CNTN6: variants seen among roughly 807,000 people sequenced by gnomAD.
CNTN6 encodes contactin-6.
In CNTN6, 137 loss-of-function variants were observed where a neutral mutation model predicts 122.8. The observed-to-expected ratio is 1.12, with a 90% confidence interval of 0.97 to 1.29. CNTN6 has a LOEUF of 1.29. CNTN6 is among the 50% of genes most tolerant of loss of function. The pLI, the probability that CNTN6 is intolerant of heterozygous loss-of-function variation, is 0.00. For missense variants in CNTN6, 1,634 were observed against 1,223.4 expected (o/e 1.34, Z -5.01); for synonymous variants, 570 against 426.0 (o/e 1.34, Z -4.16).
At chr3:1,312,812 CT>C (rs746158925) in intron 7 of CNTN6, among the ~76,000 whole-genome samples, 11,873 of 137,716 alleles carry the variant, frequency 0.086, 481 homozygotes, top group Middle Eastern at 0.12. Flanking sequence ...GGTTCAAATC[CT>C]TTTTTTTTTT....
At chr3:1,357,385 CTTG>C (rs1706740985) in intron 12 of CNTN6, among the ~76,000 whole-genome samples, 1 of 151,768 alleles carries the variant, frequency 6.6e-6, no homozygotes, top group East Asian at 1.9e-4. Flanking sequence ...GGTTATTCAT[CTTG>C]TTTTCTTTAT....
At position 1,157,838 on chromosome 3, in the gene CNTN6, A is replaced by G. The variant is rs553126926; in HGVS notation, c.55+9775A>G. On this transcript the variant is annotated intron_variant, in intron 2 of 22. Coordinates refer to ENST00000446702, the MANE Select transcript of CNTN6 (RefSeq NM_001289080.2). ...AAATGGCAGAATCTGGTTCTTTTTT[A>G]TGACTGAATAGTACTCCATTTTGCA... 2.0e-5 allele frequency among the ~76,000 whole-genome samples: 3 copies of G among 152,254 alleles called. No individual in the cohort carries two copies. The South Asian group carries it at 6.2e-4, about 32-fold the overall frequency.
chr3:1,309,816 T>C (rs1232953248), intron 7 of CNTN6, among the ~76,000 whole-genome samples: 1 of 152,192 alleles, frequency 6.6e-6, no homozygotes, highest in Non-Finnish European at 1.5e-5. Flanking sequence ...TTTATGAGAT[T>C]GTATAGTTTT....
chr3:1,104,870 C>T (rs1283189947), intron 1 of CNTN6, among the ~76,000 whole-genome samples: 2 of 152,080 alleles, frequency 1.3e-5, no homozygotes. Context: ...TAAATATTCT[C>T]CTAATGCTGA....
intron 4 of CNTN6, among the ~76,000 whole-genome samples, chr3:1,278,039 A>G (rs576351641): frequency 1.3e-5 from 2 of 152,228 alleles, no homozygotes; most frequent in African/African-American, 2.4e-5. Flanking sequence ...GCAACCATTA[A>G]TCTAAGATGT....
At chr3:1,352,603 T>G in intron 12 of CNTN6, 152 bp downstream of exon 12, 1 of 844,968 alleles carries the variant, frequency 1.2e-6, no homozygotes, top group Non-Finnish European at 1.8e-6. Context: ...TACTCATTAA[T>G]AACATGCACA....
intron 5 of CNTN6, among the ~76,000 whole-genome samples, chr3:1,294,621 T>C (rs116670214): frequency 1.7e-3 from 263 of 152,294 alleles, no homozygotes; most frequent in African/African-American, 6.1e-3. Flanking sequence ...ATGGACTGAT[T>C]GATGTTCAGT....
chr3:1,337,902 C>T (rs1000195894), intron 11 of CNTN6, among the ~76,000 whole-genome samples: 1 of 152,088 alleles, frequency 6.6e-6, no homozygotes, highest in Admixed American at 6.6e-5. Flanking sequence ...CATCCAATTC[C>T]CCTTTCTTTA....
At chr3:1,230,769 T>C (rs2094343279) in intron 4 of CNTN6, among the ~76,000 whole-genome samples, 1 of 152,216 alleles carries the variant, frequency 6.6e-6, no homozygotes, top group Non-Finnish European at 1.5e-5. Flanking sequence ...CTAAAACTCA[T>C]GCACTTCATG....
chr3:1,351,766 G>T (rs958634068), intron 11 of CNTN6, among the ~76,000 whole-genome samples: 3 of 151,680 alleles, frequency 2.0e-5, no homozygotes, highest in African/African-American at 4.8e-5. Flanking sequence ...TTTTTGATGG[G>T]ATAGCCACAT....
intron 16 of CNTN6, among the ~76,000 whole-genome samples, chr3:1,376,530 A>G (rs1709892702): frequency 6.6e-6 from 1 of 152,158 alleles, no homozygotes; most frequent in Admixed American, 6.6e-5. Context: ...AAACAAGAAT[A>G]TTTATTTACA....
intron 20 of CNTN6, among the ~76,000 whole-genome samples, chr3:1,387,883 A>G (rs1693315720): frequency 6.6e-6 from 1 of 152,182 alleles, no homozygotes; most frequent in East Asian, 1.9e-4. Context: ...CCACGAGATT[A>G]TATCCTGCAC....
intron 11 of CNTN6, among the ~76,000 whole-genome samples, chr3:1,346,301 A>C (rs1470417420): frequency 6.6e-6 from 1 of 152,132 alleles, no homozygotes; most frequent in Non-Finnish European, 1.5e-5. Flanking sequence ...GTCCCCACTA[A>C]AACTCATATT....
intron 2 of CNTN6, among the ~76,000 whole-genome samples, chr3:1,157,416 C>T (rs1024580386): frequency 6.6e-5 from 10 of 151,856 alleles, no homozygotes; most frequent in African/African-American, 2.4e-4. Flanking sequence ...GGGGCTTCAC[C>T]ACGTTAGCTA....
chr3:1,197,297 T>G (rs933423474), intron 2 of CNTN6, among the ~76,000 whole-genome samples: 3 of 152,194 alleles, frequency 2.0e-5, no homozygotes, highest in Non-Finnish European at 4.4e-5. Context: ...AGCTCCTGGT[T>G]AATTAGACCA....
chr3:1,202,540 CAAAAAA>C (rs2093896145), intron 2 of CNTN6, among the ~76,000 whole-genome samples: 1 of 73,806 alleles, frequency 1.4e-5, no homozygotes, highest in African/African-American at 6.6e-5. Context: ...GACTCCGTCT[CAAAAAA>C]TAAATAAATA....
In CNTN6 at chr3:1,109,435, A is replaced by T. The variant is rs143922983; in HGVS notation, c.-83+16315A>T. 3.6e-3 allele frequency among the ~76,000 whole-genome samples: 548 copies of T among 152,216 alleles called. 4 individuals carry two copies. The highest frequency in any genetic ancestry group is 0.013 in the African/African-American group (521 of 41,562). Reference sequence around the variant, plus strand: ...AAGGCAAAAAAGAAACACTTTTAAAATGTCAAAATAATATAAATATTATCT... The same window carrying T: ...AAGGCAAAAAAGAAACACTTTTAAATTGTCAAAATAATATAAATATTATCT... On this transcript the variant is annotated intron_variant, in intron 1 of 22. Coordinates refer to ENST00000446702, the MANE Select transcript of CNTN6 (RefSeq NM_001289080.2).
intron 4 of CNTN6, among the ~76,000 whole-genome samples, chr3:1,257,530 C>A (rs1228775508): frequency 1.3e-5 from 2 of 152,020 alleles, no homozygotes; most frequent in Non-Finnish European, 2.9e-5. Flanking sequence ...AGGTAAACAC[C>A]CAACCTTGCT....
chr3:1,253,013 G>A (rs1350338632), intron 4 of CNTN6, among the ~76,000 whole-genome samples: 1 of 152,192 alleles, frequency 6.6e-6, no homozygotes, highest in African/African-American at 2.4e-5. Context: ...CCTCTGAACT[G>A]CTAAGATTGT....
Sources: allele counts gnomAD v4.1 joint callset (sites outside exome capture counted in the v4.1 genomes callset), GRCh38; gene constraint gnomAD v4.1.1; transcripts MANE v1.5; gene names NCBI Gene and HGNC (gene_info 2026-07-23, HGNC 2026-07-21).